GBF1: variants seen among roughly 807,000 people sequenced by gnomAD.
GBF1 encodes Golgi-specific brefeldin A-resistance guanine nucleotide exchange factor 1.
GBF1 carries 114 observed loss-of-function variants against 210.5 expected under a neutral mutation model. The observed-to-expected ratio is 0.54, with a 90% CI of 0.47 to 0.63. GBF1 has a LOEUF of 0.63. Among genes scored for constraint, GBF1 ranks in the 30% least tolerant of loss-of-function variants. GBF1 has a pLI of 0.00. For synonymous variants in GBF1, 850 were observed against 889.2 expected (o/e 0.96, Z 0.78); for missense variants, 1,851 against 2,357.7 (o/e 0.79, Z 4.45).
chr10:102,283,346 C>T (rs372476491), intron 3 of GBF1, among the ~76,000 whole-genome samples: 1 of 152,144 alleles, frequency 6.6e-6, no homozygotes, highest in African/African-American at 2.4e-5. Context: ...CAGGTAAATT[C>T]TTGAGGCCAG....
intron 4 of GBF1, among the ~76,000 whole-genome samples, chr10:102,346,446 C>T (rs2058578741): frequency 6.6e-6 from 1 of 152,216 alleles, no homozygotes; most frequent in African/African-American, 2.4e-5. Flanking sequence ...TACTTCCTTA[C>T]CCTGTCATCA....
At chr10:102,337,390 T>C (rs964588492) in intron 3 of GBF1, among the ~76,000 whole-genome samples, 2 of 143,450 alleles carry the variant, frequency 1.4e-5, no homozygotes, top group Non-Finnish European at 3.1e-5. Flanking sequence ...AAAAAAACTA[T>C]GGGTCTGCAG....
intron 3 of GBF1, among the ~76,000 whole-genome samples, chr10:102,329,375 G>A (rs1208420099): frequency 6.6e-6 from 1 of 152,204 alleles, no homozygotes; most frequent in African/African-American, 2.4e-5. Flanking sequence ...AGTACTACAA[G>A]CAATAACTAA....
At chr10:102,369,645 G>A (rs1449695813) in intron 24 of GBF1, 66 bp from the exon 25 acceptor site, 16 of 1,450,492 alleles carry the variant, frequency 1.1e-5, no homozygotes, top group Non-Finnish European at 1.4e-5. Context: ...GAGAACTTTG[G>A]TGGGTGGAGG....
intron 21 of GBF1, 29 bp from the exon 22 acceptor site, chr10:102,368,189 C>A: frequency 6.9e-7 from 1 of 1,441,630 alleles, no homozygotes; most frequent in Non-Finnish European, 9.8e-7. Context: ...CAAAGCAGTG[C>A]AACTGCTCCT....
chr10:102,301,268 G>A (rs2077322286), intron 3 of GBF1, among the ~76,000 whole-genome samples: 1 of 152,176 alleles, frequency 6.6e-6, no homozygotes, highest in African/African-American at 2.4e-5. Flanking sequence ...AGTGGACACA[G>A]CACATGTTTC....
At chr10:102,326,362 T>C (rs1212222503) in intron 3 of GBF1, among the ~76,000 whole-genome samples, 1 of 152,228 alleles carries the variant, frequency 6.6e-6, no homozygotes, top group Non-Finnish European at 1.5e-5. Flanking sequence ...CTACAAAGGT[T>C]GCCCAAGGGG....
intron 33 of GBF1, among the ~76,000 whole-genome samples, chr10:102,378,720 GC>G (rs1465767052): frequency 6.6e-6 from 1 of 152,112 alleles, no homozygotes; most frequent in East Asian, 1.9e-4. Context: ...TATTGCTTGG[GC>G]CCAGGAGCTC....
rs1197681593 is a variant in GBF1 at position 102,367,474 on chromosome 10, C to A, written c.2560-4C>A. ...GGGGAAAAAACTTACTGGCCTGTCTCTAGGAGTTTCGCAAAAATCTGAAAG... is the reference window on the plus strand; with the variant it reads ...GGGGAAAAAACTTACTGGCCTGTCTATAGGAGTTTCGCAAAAATCTGAAAG... On this transcript the variant is annotated splice_polypyrimidine_tract_variant and splice_region_variant and intron_variant, in intron 20 of 39. Coordinates refer to ENST00000369983, the MANE Select transcript of GBF1 (RefSeq NM_001377137.1). The A allele has an allele frequency of 1.9e-6, 3 of 1,595,290 alleles. No individual in the cohort carries two copies. The highest frequency in any genetic ancestry group is 2.6e-6 in the Non-Finnish European group (3 of 1,162,790).
At chr10:102,246,430 T>A (rs924414102) in intron 1 of GBF1, among the ~76,000 whole-genome samples, 3 of 152,260 alleles carry the variant, frequency 2.0e-5, no homozygotes, top group South Asian at 2.1e-4. Context: ...TGTTCCTTTA[T>A]ACAATCTTTC....
chr10:102,235,945 G>A, the GBF1 span, among the ~76,000 whole-genome samples: 440 of 152,364 alleles, frequency 2.9e-3, 1 homozygote, highest in African/African-American at 0.01. Flanking sequence ...GGGACTGGTA[G>A]AGGAAAGAAT....
chr10:102,355,458 TC>T (rs1589755692), intron 8 of GBF1, among the ~76,000 whole-genome samples: 2 of 152,264 alleles, frequency 1.3e-5, no homozygotes, highest in East Asian at 3.9e-4. Context: ...GGCGTAGAAT[TC>T]CATGAATACC....
At chr10:102,345,701 A>G (rs1226741034) in intron 4 of GBF1, among the ~76,000 whole-genome samples, 2 of 150,552 alleles carry the variant, frequency 1.3e-5, no homozygotes, top group African/African-American at 4.9e-5. Context: ...AATGTACATG[A>G]TATAACTATT....
intron 1 of GBF1, among the ~76,000 whole-genome samples, chr10:102,256,980 G>C (rs913507182): frequency 1.3e-5 from 2 of 152,162 alleles, no homozygotes; most frequent in South Asian, 4.1e-4. Context: ...CAAGTCTGCA[G>C]TGAGGCATGA....
intron 1 of GBF1, among the ~76,000 whole-genome samples, chr10:102,257,204 G>A (rs185183259): frequency 1.3e-5 from 2 of 152,302 alleles, no homozygotes; most frequent in Admixed American, 6.5e-5. Context: ...CTTTCTTGCT[G>A]TCAGTTAATA....
chr10:102,289,105 GAAA>G (rs58999096), intron 3 of GBF1, among the ~76,000 whole-genome samples: 25 of 118,202 alleles, frequency 2.1e-4, no homozygotes, highest in East Asian at 5.3e-4. Context: ...CTCTGTCTCA[GAAA>G]AAAAAAAAAA....
chr10:102,370,048 A>G, intron 26 of GBF1, 64 bp downstream of exon 26: 2 of 1,588,894 alleles, frequency 1.3e-6, no homozygotes, highest in Non-Finnish European at 1.7e-6. Flanking sequence ...CTACTTGGTG[A>G]ACTGAAGAAT....
At chr10:102,271,273 G>A (rs931430315) in intron 3 of GBF1, among the ~76,000 whole-genome samples, 3 of 152,048 alleles carry the variant, frequency 2.0e-5, no homozygotes, top group Non-Finnish European at 2.9e-5. Context: ...TCCTGACCTC[G>A]TGATCTGCCC....
At chr10:102,367,934 C>G (rs2059998405) in intron 21 of GBF1, among the ~76,000 whole-genome samples, 1 of 152,192 alleles carries the variant, frequency 6.6e-6, no homozygotes, top group East Asian at 1.9e-4. Context: ...TAGTTTTTTA[C>G]TGTAAATCAG....
Sources: gnomAD v4.1 joint callset for allele counts (sites outside exome capture counted in the v4.1 genomes callset) on GRCh38, gnomAD v4.1.1 for gene constraint, MANE v1.5 for transcripts, NCBI Gene and HGNC (gene_info 2026-07-23, HGNC 2026-07-21) for gene names.